Variants in HCFC2 observed in about 807,000 individuals in gnomAD.
The protein encoded by HCFC2 is host cell factor 2.
A neutral mutation model predicts 89.2 loss-of-function variants in HCFC2; 18 were observed. The ratio of observed to expected loss-of-function variants is 0.20; its 90% CI spans 0.14 to 0.30. The LOEUF (loss-of-function observed/expected upper bound fraction) is 0.30, where lower values mean the gene tolerates loss of function less well. Among genes scored for constraint, HCFC2 ranks in the 10% least tolerant of loss-of-function variants. The pLI is 1.00. For missense variants in HCFC2, 578 were observed against 956.1 expected (o/e 0.60, Z 5.21); for synonymous variants, 308 against 335.7 (o/e 0.92, Z 0.90).
chr12:104,074,521 A>G (rs1883435801), intron 3 of HCFC2, among the ~76,000 whole-genome samples: 1 of 152,188 alleles, frequency 6.6e-6, no homozygotes, highest in Non-Finnish European at 1.5e-5. Flanking sequence ...AAAGAAATGT[A>G]TATTGAGGTA....
At chr12:104,092,235 A>T (rs948475054) in intron 9 of HCFC2, among the ~76,000 whole-genome samples, 10 of 152,188 alleles carry the variant, frequency 6.6e-5, no homozygotes, top group Admixed American at 5.9e-4. Flanking sequence ...TGGGAGGCCA[A>T]GGTGGTAGAT....
At chr12:104,082,242 T>C (rs576531139) in intron 5 of HCFC2, among the ~76,000 whole-genome samples, 33 of 152,344 alleles carry the variant, frequency 2.2e-4, no homozygotes, top group Middle Eastern at 3.4e-3. Context: ...AAGTATATTA[T>C]AGTTGAAATA....
chr12:104,102,725 G>T (rs1283312502), intron 14 of HCFC2, among the ~76,000 whole-genome samples: 1 of 152,098 alleles, frequency 6.6e-6, no homozygotes, highest in Non-Finnish European at 1.5e-5. Flanking sequence ...CCTGTTTTGG[G>T]ATATTACAGG....
At chr12:104,098,321 A>ATT in intron 12 of HCFC2, 22 bp from the exon 13 acceptor site, 2 of 1,569,324 alleles carry the variant, frequency 1.3e-6, no homozygotes, top group Non-Finnish European at 8.6e-7. Context: ...GTCTTCATAA[A>ATT]TTTTTTTTTC....
At chr12:104,065,428 C>T (rs944481243) in intron 1 of HCFC2, among the ~76,000 whole-genome samples, 1 of 152,242 alleles carries the variant, frequency 6.6e-6, no homozygotes, top group African/African-American at 2.4e-5. Flanking sequence ...AGAAAGGAAA[C>T]TGGATTTAAT....
At chr12:104,091,520 A>G (rs964590174) in intron 9 of HCFC2, among the ~76,000 whole-genome samples, 1 of 152,220 alleles carries the variant, frequency 6.6e-6, no homozygotes, top group Non-Finnish European at 1.5e-5. Flanking sequence ...TCATACTTTC[A>G]AAAATTCCTT....
At position 104,064,954 on chromosome 12, in the gene HCFC2, C is replaced by CG. The variant is rs1883024664; in HGVS notation, c.163+233dup. ...GCAACGGACCCCGAGCGGGGCGCACCGGCCTTCAGGCGGGGGATCCCGGAC... is the reference window on the plus strand; with the variant it reads ...GCAACGGACCCCGAGCGGGGCGCACCGGGCCTTCAGGCGGGGGATCCCGGAC... On this transcript the variant is annotated intron_variant, in intron 1 of 14. Transcript: ENST00000229330. This position sits in a 1 kb window ranked among gnomAD's most constrained non-coding sequence, Gnocchi z 7.3. 5.1e-6 allele frequency: 2 copies of CG among 391,612 alleles called. No homozygotes were observed. Among genetic ancestry groups the CG allele is most frequent in the Non-Finnish European group, 9.0e-6 (2 of 223,262 alleles). 24.3% of individuals were successfully genotyped at this position (391,612 alleles called of 1,614,324 possible). A position where few individuals can be genotyped will look rare whatever the true frequency, so the allele number is the denominator to read the frequency against.
At chr12:104,086,501 T>C (rs1883849130) in intron 7 of HCFC2, among the ~76,000 whole-genome samples, 1 of 151,872 alleles carries the variant, frequency 6.6e-6, no homozygotes, top group African/African-American at 2.4e-5. Context: ...CCTTCTAGGA[T>C]TCCCAGCTTC....
chr12:104,072,228 C>G (rs188674812), intron 3 of HCFC2, among the ~76,000 whole-genome samples: 1 of 151,966 alleles, frequency 6.6e-6, no homozygotes, highest in Non-Finnish European at 1.5e-5. Context: ...GAAAATTAGC[C>G]GGGTGTAGTG....
At chr12:104,078,363 G>A (rs1044873931) in intron 3 of HCFC2, among the ~76,000 whole-genome samples, 8 of 151,942 alleles carry the variant, frequency 5.3e-5, no homozygotes, top group Admixed American at 1.3e-4. Context: ...ATTATTTTCC[G>A]CAAAACAATT....
intron 3 of HCFC2, among the ~76,000 whole-genome samples, chr12:104,074,901 G>T (rs1883447551): frequency 6.6e-6 from 1 of 152,070 alleles, no homozygotes; most frequent in Non-Finnish European, 1.5e-5. Flanking sequence ...ATATTTAGAA[G>T]AAATTTTCCA....
At chr12:104,070,801 CTTT>C (rs35437369) in intron 3 of HCFC2, among the ~76,000 whole-genome samples, 1 of 125,002 alleles carries the variant, frequency 8.0e-6, no homozygotes. Flanking sequence ...ATACTTTTTA[CTTT>C]TTTTTTTTTT....
At chr12:104,096,470 A>T in intron 12 of HCFC2, 37 bp downstream of exon 12, 1 of 1,408,906 alleles carries the variant, frequency 7.1e-7, no homozygotes, top group Non-Finnish European at 1.0e-6. Context: ...ATGTTTACAC[A>T]TGATTATGTA....
chr12:104,101,097 G>A (rs2136630710), intron 13 of HCFC2, among the ~76,000 whole-genome samples: 1 of 152,226 alleles, frequency 6.6e-6, no homozygotes, highest in East Asian at 1.9e-4. Flanking sequence ...TGTAAAAATT[G>A]TTTGAAAGTT....
chr12:104,068,237 TTG>T lies in HCFC2; in HGVS notation c.473+138_473+139del. ...CATTTCAACCTAACAGTGGACAGAT[TTG>T]TGTGTGTTTGTGTTTTCCTTAGTAC... is the stretch of plus-strand genomic sequence containing the variant. On this transcript the variant is annotated intron_variant, in intron 3 of 14. Transcript: ENST00000229330. The surrounding 1 kb of genome is among the most constrained non-coding windows in gnomAD (Gnocchi z 4.1). 1 of 656,860 alleles carries T rather than the reference TTG, an allele frequency of 1.5e-6. No homozygotes were observed. The highest frequency in any genetic ancestry group is 2.3e-6 in the Non-Finnish European group (1 of 427,146). The allele number at this position is 656,860 out of a possible 1,614,324, so 40.7% of individuals were successfully genotyped here. A position where few individuals can be genotyped will look rare whatever the true frequency, so the allele number is the denominator to read the frequency against.
chr12:104,100,414 C>G (rs556024710), intron 13 of HCFC2, among the ~76,000 whole-genome samples: 1 of 151,928 alleles, frequency 6.6e-6, no homozygotes, highest in African/African-American at 2.4e-5. Flanking sequence ...TCCTGTCTTA[C>G]AAAAAATAAA....
chr12:104,099,419 A>G (rs1884274411), intron 13 of HCFC2, among the ~76,000 whole-genome samples: 1 of 152,030 alleles, frequency 6.6e-6, no homozygotes, highest in Non-Finnish European at 1.5e-5. Flanking sequence ...CTTTGTATGG[A>G]CTACATCACA....
At chr12:104,071,472 AGCCATATG>A (rs1883325040) in intron 3 of HCFC2, among the ~76,000 whole-genome samples, 1 of 152,276 alleles carries the variant, frequency 6.6e-6, no homozygotes, top group South Asian at 2.1e-4. Context: ...TGGTCAAACC[AGCCATATG>A]GCCAAGGCCA....
intron 3 of HCFC2, among the ~76,000 whole-genome samples, chr12:104,072,575 CTCTT>C (rs1351823819): frequency 1.3e-5 from 2 of 151,332 alleles, no homozygotes; most frequent in African/African-American, 4.9e-5. Flanking sequence ...GTATGTGTTG[CTCTT>C]TCTAATTTTG....
Sources: allele counts gnomAD v4.1 joint callset (sites outside exome capture counted in the v4.1 genomes callset), GRCh38; gene constraint gnomAD v4.1.1; non-coding constraint Gnocchi (gnomAD v3.1); transcripts MANE v1.5; gene names NCBI Gene and HGNC (gene_info 2026-07-23, HGNC 2026-07-21).